POU2F2: variants seen among roughly 807,000 people sequenced by gnomAD.
POU2F2 encodes POU domain, class 2, transcription factor 2.
In POU2F2, 14 loss-of-function variants were observed where a neutral mutation model predicts 63.5. The observed-to-expected ratio is 0.22, with a 90% CI of 0.15 to 0.34. The LOEUF (loss-of-function observed/expected upper bound fraction) is 0.34. Among genes scored for constraint, POU2F2 ranks in the 10% least tolerant of loss-of-function variants. POU2F2 has a pLI of 1.00. For missense variants in POU2F2, 607 were observed against 815.2 expected (o/e 0.74, Z 3.11); for synonymous variants, 306 against 348.6 (o/e 0.88, Z 1.36).
intron 2 of POU2F2, among the ~76,000 whole-genome samples, chr19:42,140,183 G>T (rs1316579558): frequency 1.3e-5 from 2 of 152,220 alleles, no homozygotes; most frequent in Non-Finnish European, 2.9e-5. Flanking sequence ...CCTCAATGAG[G>T]CTCTGCCCTT....
chr19:42,140,343 A>T (rs1006189568), intron 2 of POU2F2, among the ~76,000 whole-genome samples: 1 of 152,106 alleles, frequency 6.6e-6, no homozygotes, highest in African/African-American at 2.4e-5. Flanking sequence ...GAGCTGTCCA[A>T]AGGCTGAAAA....
intron 5 of POU2F2, among the ~76,000 whole-genome samples, chr19:42,102,335 C>T (rs1231925255): frequency 6.6e-6 from 1 of 152,188 alleles, no homozygotes; most frequent in Non-Finnish European, 1.5e-5. Flanking sequence ...TGAAAAGGGA[C>T]ACCAGGGGGC....
chr19:42,195,740 TCCTC>T (rs1396291940), intron 1 of POU2F2, among the ~76,000 whole-genome samples: 7 of 132,620 alleles, frequency 5.3e-5, no homozygotes, highest in African/African-American at 1.9e-4. Flanking sequence ...CTCCCTCCCT[TCCTC>T]CCTTTCTGCC....
At chr19:42,187,325 C>T (rs867563315) in intron 1 of POU2F2, among the ~76,000 whole-genome samples, 1 of 151,262 alleles carries the variant, frequency 6.6e-6, no homozygotes, top group African/African-American at 2.4e-5. Context: ...ATTAGTCGGG[C>T]GTGGTGGAGG....
intron 1 of POU2F2, among the ~76,000 whole-genome samples, chr19:42,185,700 T>C (rs2035005435): frequency 6.6e-6 from 1 of 152,176 alleles, no homozygotes; most frequent in South Asian, 2.1e-4. Flanking sequence ...AGTTCATCCA[T>C]TCATCCATCC....
chr19:42,145,827 G>A (rs1294745011), intron 2 of POU2F2, among the ~76,000 whole-genome samples: 1 of 152,092 alleles, frequency 6.6e-6, no homozygotes, highest in Non-Finnish European at 1.5e-5. Flanking sequence ...CCAGCTACTC[G>A]GGAGGCTGAG....
chr19:42,178,397 A>C (rs375313591), upstream of POU2F2, among the ~76,000 whole-genome samples: 2 of 152,312 alleles, frequency 1.3e-5, no homozygotes, highest in East Asian at 3.9e-4. Context: ...CAAATCAGAG[A>C]TAGGAGAAAG....
chr19:42,095,430 C>G lies in POU2F2; in HGVS notation c.1053G>C (p.Leu351=), dbSNP rs761117071. ...TCTCCATGTGCAGCTGCTCGGCGAT[C>G]AGCAGGATCTCCTCTGAGGTAGGCT... ...NQKPTSEEIL[L]IAEQLHMEKE... Residue 351 remains leucine, a synonymous_variant, in exon 11 of 15, where the codon CTG becomes CTC. Transcript: ENST00000692977. This position sits in a 1 kb window ranked among gnomAD's most constrained non-coding sequence, Gnocchi z 7.1. 6.2e-7 allele frequency: 1 copy of G among 1,613,592 alleles called. No homozygotes were observed. Among genetic ancestry groups the G allele is most frequent in the Non-Finnish European group, 8.5e-7 (1 of 1,180,018 alleles).
chr19:42,172,650 T>C (rs1326863998), intron 1 of POU2F2, among the ~76,000 whole-genome samples: 1 of 152,106 alleles, frequency 6.6e-6, no homozygotes, highest in African/African-American at 2.4e-5. Context: ...GGGGGGACCA[T>C]AAGCTCATGC....
At chr19:42,148,600 C>G (rs1382712533) in intron 2 of POU2F2, among the ~76,000 whole-genome samples, 1 of 152,004 alleles carries the variant, frequency 6.6e-6, no homozygotes, top group Non-Finnish European at 1.5e-5. Flanking sequence ...GGAAAGGACA[C>G]CCAGGGTCAT....
intron 1 of POU2F2, among the ~76,000 whole-genome samples, chr19:42,131,597 A>G (rs1346745505): frequency 2.0e-5 from 3 of 152,262 alleles, no homozygotes; most frequent in African/African-American, 7.2e-5. Flanking sequence ...ATGAGCCAAC[A>G]GCTATAAATC....
intron 2 of POU2F2, among the ~76,000 whole-genome samples, chr19:42,157,744 G>A (rs1472348892): frequency 6.6e-6 from 1 of 152,210 alleles, no homozygotes; most frequent in East Asian, 1.9e-4. Context: ...GGTCAAGAAA[G>A]GCCCTCAGAG....
intron 5 of POU2F2, among the ~76,000 whole-genome samples, chr19:42,115,940 C>G (rs1468094418): frequency 6.6e-6 from 1 of 152,128 alleles, no homozygotes; most frequent in East Asian, 1.9e-4. Flanking sequence ...CATGTGACGA[C>G]AGAGGAGGCA....
Position 42,152,407 on chromosome 19 carries a change from G to A in POU2F2, c.-9+7925C>T, listed in dbSNP as rs983849279. ...ATGGGCCGAGGACTATAGGGGTCCC[G>A]GCTGCCCTCCCCCAAACCTCCCCTC... On this transcript the variant is annotated intron_variant, in intron 2 of 6. Coordinates refer to the POU2F2 transcript ENST00000524801. The surrounding 1 kb of genome is among the most constrained non-coding windows in gnomAD (Gnocchi z 4.1). 1.3e-5 allele frequency among the ~76,000 whole-genome samples: 2 copies of A among 151,780 alleles called. No homozygotes were observed. Among genetic ancestry groups the A allele is most frequent in the Non-Finnish European group, 2.9e-5 (2 of 67,904 alleles).
Position 42,122,002 on chromosome 19 carries a change from G to A in POU2F2, c.186+124C>T, listed in dbSNP as rs999031473. ...GGGAGCCCAAGAGTGAGAAGGGGCG[G>A]GAGGAACCTCGTTACCAAGGTACCA... On this transcript the variant is annotated intron_variant, in intron 4 of 14. Transcript: ENST00000692977. 4.9e-6 allele frequency: 5 copies of A among 1,026,850 alleles called. No homozygotes were observed. The African/African-American group carries it at 6.3e-5, about 13-fold the overall frequency. 63.6% of individuals were successfully genotyped at this position (1,026,850 alleles called of 1,614,324 possible). A position where few individuals can be genotyped will look rare whatever the true frequency, so the allele number is the denominator to read the frequency against.
intron 1 of POU2F2, among the ~76,000 whole-genome samples, chr19:42,186,733 T>TA (rs1409824104): frequency 6.6e-6 from 1 of 151,982 alleles, no homozygotes; most frequent in East Asian, 1.9e-4. Flanking sequence ...GCAACAGGTT[T>TA]AAAAAACCCG....
At chr19:42,122,317 C>CCA in intron 3 of POU2F2, 27 bp downstream of exon 3, 1 of 1,596,960 alleles carries the variant, frequency 6.3e-7, no homozygotes, top group Non-Finnish European at 8.6e-7. Context: ...CTTCCCACCC[C>CCA]CTCCCGCTTA....
intron 4 of POU2F2, among the ~76,000 whole-genome samples, chr19:42,118,273 A>C (rs1369214527): frequency 6.6e-6 from 1 of 152,198 alleles, no homozygotes; most frequent in Non-Finnish European, 1.5e-5. Flanking sequence ...TTGGAAGAAA[A>C]GGTTTTCAGG....
At chr19:42,149,173 A>G (rs2034290690) in intron 2 of POU2F2, among the ~76,000 whole-genome samples, 1 of 152,076 alleles carries the variant, frequency 6.6e-6, no homozygotes, top group Admixed American at 6.6e-5. Flanking sequence ...TTCAGGGGAA[A>G]CCAAGGCTCA....
Sources: allele counts gnomAD v4.1 joint callset (sites outside exome capture counted in the v4.1 genomes callset), GRCh38; gene constraint gnomAD v4.1.1; non-coding constraint Gnocchi (gnomAD v3.1); transcripts MANE v1.5; gene names NCBI Gene and HGNC (gene_info 2026-07-23, HGNC 2026-07-21).